PCDH7: variants seen among roughly 807,000 people sequenced by gnomAD.
PCDH7 encodes the protein protocadherin-7.
In PCDH7, 17 loss-of-function variants were observed where a neutral mutation model predicts 58.9. The observed-to-expected ratio is 0.29, with a 90% CI of 0.20 to 0.43. The LOEUF (loss-of-function observed/expected upper bound fraction) is 0.43, where lower values mean the gene tolerates loss of function less well. Ranked by LOEUF, PCDH7 falls within the 20% of genes least tolerant of loss-of-function variation. The probability of loss-of-function intolerance (pLI) is 1.00; values close to 1 mark genes in which losing one functional copy is unlikely to be tolerated. For synonymous variants in PCDH7, 664 were observed against 616.4 expected, an observed-to-expected ratio of 1.08 and a Z score of -1.14; for missense variants, 1,274 against 1,441.0, an observed-to-expected ratio of 0.88 and a Z score of 1.88.
intron 3 of PCDH7, among the ~76,000 whole-genome samples, chr4:31,031,598 C>A (rs1259827123): frequency 2.0e-5 from 3 of 152,072 alleles, no homozygotes; most frequent in Non-Finnish European, 4.4e-5. Flanking sequence ...ATTTGTTGGC[C>A]TTCCCAATAC....
At chr4:30,929,329 T>C (rs945400305) in intron 2 of PCDH7, among the ~76,000 whole-genome samples, 20 of 152,204 alleles carry the variant, frequency 1.3e-4, no homozygotes, top group Non-Finnish European at 2.6e-4. Context: ...AATCCCTTTA[T>C]ACTGAAATAT....
chr4:30,930,768 CAA>C (rs33945579), intron 2 of PCDH7, among the ~76,000 whole-genome samples: 59 of 141,806 alleles, frequency 4.2e-4, no homozygotes, highest in African/African-American at 8.5e-4. Context: ...CCTGTCTCTG[CAA>C]AAAAAAAAAA....
intron 1 of PCDH7, among the ~76,000 whole-genome samples, chr4:30,881,525 A>G (rs891849037): frequency 1.3e-5 from 2 of 152,112 alleles, no homozygotes; most frequent in Non-Finnish European, 2.9e-5. Flanking sequence ...CTCTAGCACA[A>G]ATTAGGAAGC....
At chr4:31,092,663 C>G (rs565743923) in intron 3 of PCDH7, among the ~76,000 whole-genome samples, 2 of 151,968 alleles carry the variant, frequency 1.3e-5, no homozygotes, top group African/African-American at 4.8e-5. Flanking sequence ...CCTATAGATG[C>G]AATTTAAGAG....
chr4:31,036,834 A>T (rs1040626909), intron 3 of PCDH7, among the ~76,000 whole-genome samples: 1 of 152,152 alleles, frequency 6.6e-6, no homozygotes, highest in Non-Finnish European at 1.5e-5. Flanking sequence ...ACAGTTCCAC[A>T]TGTCTGGGGA....
intron 1 of PCDH7, among the ~76,000 whole-genome samples, chr4:30,869,792 T>G (rs543390881): frequency 2.0e-5 from 3 of 152,204 alleles, no homozygotes; most frequent in Non-Finnish European, 4.4e-5. Flanking sequence ...CCTTTGGGTG[T>G]ATACCCAGTA....
chr4:31,068,182 T>G (rs1337997378), intron 3 of PCDH7, among the ~76,000 whole-genome samples: 1 of 151,904 alleles, frequency 6.6e-6, no homozygotes, highest in Non-Finnish European at 1.5e-5. Context: ...TCTTTATTTC[T>G]TTTGATCTGC....
chr4:30,847,856 A>G (rs1201607803), intron 1 of PCDH7, among the ~76,000 whole-genome samples: 2 of 152,078 alleles, frequency 1.3e-5, no homozygotes, highest in African/African-American at 4.8e-5. Flanking sequence ...TCATATTGGT[A>G]CTACTGTTGA....
intron 3 of PCDH7, among the ~76,000 whole-genome samples, chr4:31,097,595 T>C (rs1714221283): frequency 4.7e-5 from 1 of 21,348 alleles, no homozygotes; most frequent in Non-Finnish European, 7.2e-5. Flanking sequence ...TACATATATA[T>C]ATATATATAT....
chr4:30,754,689 G>T (rs1719035103), intron 1 of PCDH7, among the ~76,000 whole-genome samples: 1 of 152,008 alleles, frequency 6.6e-6, no homozygotes. Context: ...CCCTTCTAAA[G>T]GATTTCAATA....
chr4:31,079,126 A>G lies in PCDH7; in HGVS notation c.*8-63347A>G, dbSNP rs958852819. On this transcript the variant is annotated intron_variant, in intron 3 of 3. Transcript: ENST00000509759. ...TTAGAAGATCACATAGGAAAACAGT[A>G]TCACCTCAAGAATGAGGATGTTTTC... Among the ~76,000 whole-genome samples, 5 of 151,716 alleles carry G rather than the reference A, an allele frequency of 3.3e-5. No individual in the cohort carries two copies. The South Asian group carries it at 8.3e-4, about 25-fold the overall frequency.
intron 2 of PCDH7, among the ~76,000 whole-genome samples, chr4:30,938,915 C>T (rs1210938790): frequency 1.3e-5 from 2 of 152,024 alleles, no homozygotes; most frequent in Non-Finnish European, 2.9e-5. Context: ...GCCTTTTTCC[C>T]CTCCAGAGCA....
intron 1 of PCDH7, among the ~76,000 whole-genome samples, chr4:30,918,134 A>G (rs533417934): frequency 2.0e-5 from 3 of 152,258 alleles, no homozygotes; most frequent in South Asian, 4.1e-4. Flanking sequence ...ACCCATTGCT[A>G]TGTCTTTAAA....
Position 30,722,489 on chromosome 4 carries a change from G to C in PCDH7, c.1067G>C (p.Arg356Pro). The C allele has an allele frequency of 6.2e-7, 1 of 1,609,424 alleles. No homozygotes were observed. Among genetic ancestry groups the C allele is most frequent in the Non-Finnish European group, 8.5e-7 (1 of 1,178,272 alleles). The change falls in exon 1 of 2, where the codon CGG (arginine) becomes CCG (proline). Residue 356 changes from arginine (R) to proline (P), a missense_variant. Coordinates refer to ENST00000361762, the Ensembl canonical transcript of PCDH7. The surrounding 1 kb of genome is among the most constrained non-coding windows in gnomAD (Gnocchi z 7.6). ...GGGGCGGCCACCGAGTCGGTGAGGC[G>C]GCTGCTGCGCCTTGACGAGACGTCC...
At chr4:30,731,332 T>C in exon 2 of PCDH7, 1 of 163,348 alleles carries the variant, frequency 6.1e-6, no homozygotes, top group Non-Finnish European at 1.2e-5. Context: ...TGTTTGTGTG[T>C]GTTTCCATAT....
chr4:30,823,172 G>A (rs1247426826), intron 1 of PCDH7, among the ~76,000 whole-genome samples: 1 of 152,144 alleles, frequency 6.6e-6, no homozygotes, highest in East Asian at 1.9e-4. Context: ...TGATAACATG[G>A]TTGGCTTAAC....
At chr4:31,080,465 A>G (rs1300335468) in intron 3 of PCDH7, among the ~76,000 whole-genome samples, 1 of 152,188 alleles carries the variant, frequency 6.6e-6, no homozygotes, top group African/African-American at 2.4e-5. Flanking sequence ...CAGTGTAAAA[A>G]GTCATTAGTG....
At chr4:30,939,384 A>G (rs969146604) in intron 2 of PCDH7, among the ~76,000 whole-genome samples, 2 of 152,124 alleles carry the variant, frequency 1.3e-5, no homozygotes, top group Non-Finnish European at 2.9e-5. Flanking sequence ...TCCTTGTGAT[A>G]CTACTGGTAA....
chr4:31,126,591 C>T (rs569073187), intron 3 of PCDH7, among the ~76,000 whole-genome samples: 121 of 152,256 alleles, frequency 7.9e-4, no homozygotes, highest in African/African-American at 2.8e-3. Context: ...ATTTCTTCTT[C>T]ATCTTGGAAT....
Sources: allele counts gnomAD v4.1 joint callset (sites outside exome capture counted in the v4.1 genomes callset), GRCh38; gene constraint gnomAD v4.1.1; non-coding constraint Gnocchi (gnomAD v3.1); transcripts MANE v1.5; gene names NCBI Gene and HGNC (gene_info 2026-07-23, HGNC 2026-07-21).